SPECC1: variants seen among roughly 807,000 people sequenced by gnomAD.
SPECC1 encodes the protein sperm antigen with calponin homology and coiled-coil domains 1.
Under a neutral mutation model 104.1 loss-of-function variants are expected in SPECC1, and 62 were observed. The ratio of observed to expected loss-of-function variants is 0.60; its 90% CI spans 0.49 to 0.74. SPECC1 has a LOEUF of 0.74. SPECC1 is among the 30% of genes least tolerant of loss of function. The probability of loss-of-function intolerance (pLI) is 0.00; values close to 1 mark genes in which losing one functional copy is unlikely to be tolerated. For missense variants in SPECC1, 1,306 were observed against 1,310.5 expected (o/e 1.00, Z 0.05); for synonymous variants, 513 against 501.6 (o/e 1.02, Z -0.30).
At chr17:20,279,611 C>G (rs9892630) in intron 12 of SPECC1, among the ~76,000 whole-genome samples, 1 of 152,082 alleles carries the variant, frequency 6.6e-6, no homozygotes, top group African/African-American at 2.4e-5. Context: ...TATGAGCCAC[C>G]GCGCCCAGCC....
chr17:20,026,069 G>T (rs114706965), intron 1 of SPECC1, among the ~76,000 whole-genome samples: 359 of 151,472 alleles, frequency 2.4e-3, no homozygotes, highest in African/African-American at 8.4e-3. Context: ...TTGTTTTGTT[G>T]TTGTTCTTGA....
intron 3 of SPECC1, among the ~76,000 whole-genome samples, chr17:20,117,750 T>C (rs1418822286): frequency 2.0e-5 from 3 of 146,370 alleles, no homozygotes; most frequent in African/African-American, 7.6e-5. Flanking sequence ...AATAGAAATA[T>C]ATATAGCGCC....
chr17:20,081,090 C>T (rs576937177), intron 1 of SPECC1, among the ~76,000 whole-genome samples: 1 of 152,170 alleles, frequency 6.6e-6, no homozygotes, highest in Non-Finnish European at 1.5e-5. Context: ...ACCAAAGGGT[C>T]TTTTCCTTCC....
chr17:20,236,728 G>T, intron 7 of SPECC1: 22 of 914,578 alleles, frequency 2.4e-5, no homozygotes, highest in East Asian at 4.0e-5. Context: ...CTTAAAATCT[G>T]TTGGCCTATC....
At chr17:20,225,685 G>A (rs1464076275) in intron 4 of SPECC1, among the ~76,000 whole-genome samples, 2 of 152,084 alleles carry the variant, frequency 1.3e-5, no homozygotes, top group Admixed American at 1.3e-4. Context: ...TCCCCTCTCC[G>A]GTGCATCTTT....
chr17:20,096,415 T>G (rs1011255138), intron 1 of SPECC1, among the ~76,000 whole-genome samples: 7 of 152,150 alleles, frequency 4.6e-5, no homozygotes, highest in African/African-American at 1.7e-4. Context: ...TGGATATGTT[T>G]CAGTAGTTTG....
At position 20,088,072 on chromosome 17, in the gene SPECC1, A is replaced by G. The variant is rs545921518; in HGVS notation, c.-21-8559A>G. Among the ~76,000 whole-genome samples the G allele has an allele frequency of 2.4e-4, 36 of 152,060 alleles. No individual in the cohort carries two copies. In the East Asian group the frequency reaches 6.2e-3, roughly 26 times the overall value. On this transcript the variant is annotated intron_variant, in intron 1 of 14. Transcript: ENST00000395527. ...GCGGCCCACATGAAGCACAGTGAGC[A>G]GGGGAGAGTGATCAGAGCTAGGCGA...
chr17:20,242,341 G>T (rs2039239413), intron 7 of SPECC1, among the ~76,000 whole-genome samples: 1 of 152,236 alleles, frequency 6.6e-6, no homozygotes, highest in African/African-American at 2.4e-5. Context: ...GTATGTATAT[G>T]TGCTTAAATG....
chr17:20,060,658 A>G (rs1207604462), intron 1 of SPECC1, among the ~76,000 whole-genome samples: 1 of 152,142 alleles, frequency 6.6e-6, no homozygotes, highest in African/African-American at 2.4e-5. Flanking sequence ...ATCTCTTGAC[A>G]TATAGGATAT....
At chr17:20,113,819 A>C (rs1164442459) in intron 3 of SPECC1, among the ~76,000 whole-genome samples, 1 of 152,226 alleles carries the variant, frequency 6.6e-6, no homozygotes, top group African/African-American at 2.4e-5. Flanking sequence ...TAGTTTTCTC[A>C]TACAATCAGC....
intron 1 of SPECC1, among the ~76,000 whole-genome samples, chr17:20,020,634 C>T (rs571313259): frequency 6.6e-6 from 1 of 152,158 alleles, no homozygotes; most frequent in Non-Finnish European, 1.5e-5. Flanking sequence ...GCCTGGCCCT[C>T]CCTTTCCTTG....
Position 20,313,958 on chromosome 17 carries a change from C to G in SPECC1, c.3118-18C>G, listed in dbSNP as rs2041996845. The G allele has an allele frequency of 6.2e-7, 1 of 1,612,388 alleles. No homozygotes were observed. The highest frequency in any genetic ancestry group is 1.3e-5 in the African/African-American group (1 of 74,906). On this transcript the variant is annotated intron_variant, in intron 14 of 14. Coordinates refer to ENST00000395527, the MANE Select transcript of SPECC1 (RefSeq NM_001243439.2). ...ATGTCCTGCCTTGTGATCTGTCCCC[C>G]ATTCCCTTCCCCTGCAGGAACTCAG... is the stretch of plus-strand genomic sequence containing the variant.
At chr17:20,059,099 C>T (rs147638061) in intron 1 of SPECC1, among the ~76,000 whole-genome samples, 2,237 of 151,946 alleles carry the variant, frequency 0.015, 23 homozygotes, top group Non-Finnish European at 0.023. Context: ...CTTGGCCTCC[C>T]GAAGTGCTGG....
chr17:20,318,327 T>C lies in SPECC1; in HGVS notation c.*4262T>C. ...CGGGGATAACATTCTCAGGAGCTTC[T>C]CTTGTCCTAGCCCCTTCTCATTTCA... On this transcript the variant is annotated 3_prime_UTR_variant, in exon 15 of 15. Transcript: ENST00000395527. 1 of 232,348 alleles carries C rather than the reference T, an allele frequency of 4.3e-6. No individual in the cohort carries two copies. 14.4% of individuals were successfully genotyped at this position (232,348 alleles called of 1,614,324 possible).
intron 13 of SPECC1, among the ~76,000 whole-genome samples, chr17:20,300,640 A>G (rs2142079055): frequency 6.6e-6 from 1 of 152,380 alleles, no homozygotes; most frequent in East Asian, 1.9e-4. Flanking sequence ...CTCCTGGGCC[A>G]GAGCCCCTGT....
intron 12 of SPECC1, among the ~76,000 whole-genome samples, chr17:20,283,612 A>G (rs2040847888): frequency 6.6e-6 from 1 of 151,992 alleles, no homozygotes; most frequent in African/African-American, 2.4e-5. Context: ...TTTGAGACAG[A>G]GTCTTGCTCT....
chr17:20,232,611 C>G (rs1240952917), intron 7 of SPECC1, among the ~76,000 whole-genome samples: 1 of 152,216 alleles, frequency 6.6e-6, no homozygotes, highest in East Asian at 1.9e-4. Flanking sequence ...GGCTGCTAAG[C>G]TCCTCACTTA....
rs1243514214 is a variant in SPECC1, at chr17:20,314,005, G to A, written c.3147G>A (p.Arg1049=). Residue 1049 remains arginine, a synonymous_variant, in exon 15 of 15, where the codon CGG becomes CGA. Transcript: ENST00000395527. ...TCAGCGAGATGCTGTACACAGACCG[G>A]CCCGACTGGCAGAGTGTGATGCAGT... ...LELSEMLYTD[R]PDWQSVMQYV... 11 of 1,614,044 alleles carry A rather than the reference G, an allele frequency of 6.8e-6. No individual in the cohort carries two copies. Among genetic ancestry groups the A allele is most frequent in the African/African-American group, 1.3e-5 (1 of 74,912 alleles).
rs774080446 is a variant in SPECC1, at chr17:20,096,816, C to T, written c.147+18C>T. 15 of 1,599,702 alleles carry T rather than the reference C, an allele frequency of 9.4e-6. No homozygotes were observed. The East Asian group carries it at 1.8e-4, about 19-fold the overall frequency. On this transcript the variant is annotated intron_variant, in intron 2 of 14. Transcript: ENST00000395527. ...TCAGCAGGGTATGGATCAAAATGCA[C>T]AGGGCCAGGCAGAGCGCCTGGATAC...
Sources: allele counts gnomAD v4.1 joint callset (sites outside exome capture counted in the v4.1 genomes callset), GRCh38; gene constraint gnomAD v4.1.1; transcripts MANE v1.5; gene names NCBI Gene and HGNC (gene_info 2026-07-23, HGNC 2026-07-21).